Variants in ZMPSTE24 observed in about 807,000 individuals in gnomAD.
ZMPSTE24 encodes the protein CAAX prenyl protease 1 homolog.
A neutral mutation model predicts 56.7 loss-of-function variants in ZMPSTE24; 48 were observed. That is an observed-to-expected ratio of 0.85 (90% CI 0.67 to 1.08). The LOEUF (loss-of-function observed/expected upper bound fraction) is 1.08, where lower values mean the gene tolerates loss of function less well. Among genes scored for constraint, ZMPSTE24 ranks in the 50% least tolerant of loss-of-function variants. The pLI, the probability that ZMPSTE24 is intolerant of heterozygous loss-of-function variation, is 0.00. For missense variants in ZMPSTE24, 503 were observed against 548.7 expected (o/e 0.92, Z 0.83); for synonymous variants, 172 against 195.2 (o/e 0.88, Z 0.99).
intron 7 of ZMPSTE24, 150 bp from the exon 8 acceptor site, chr1:40,285,775 G>C: frequency 1.6e-6 from 1 of 624,678 alleles, no homozygotes; most frequent in Non-Finnish European, 2.8e-6. Context: ...TGGAGCAGTG[G>C]TTCAGGGAAT....
At position 40,289,258 on chromosome 1, in the gene ZMPSTE24, G is replaced by A. The variant is rs78498432; in HGVS notation, c.1060-1596G>A. Among the ~76,000 whole-genome samples, 66 of 152,310 alleles carry A rather than the reference G, an allele frequency of 4.3e-4. 1 individual carries two copies. Among genetic ancestry groups the A allele is most frequent in the African/African-American group, 1.5e-3 (63 of 41,562 alleles). On this transcript the variant is annotated intron_variant, in intron 8 of 9. Transcript: ENST00000372759. The stretch of plus-strand genomic sequence containing the variant: ...GTCCTTGATGATGAAGTGCTTCTGC[G>A]CATAGCAGTTTCCTGGCTAGGCAGA...
chr1:40,258,960 C>A (rs1643468139), intron 1 of ZMPSTE24, among the ~76,000 whole-genome samples: 1 of 152,028 alleles, frequency 6.6e-6, no homozygotes. Context: ...GAGTTCGAGA[C>A]CAGCCTGACC....
chr1:40,281,409 T>C lies in ZMPSTE24; in HGVS notation c.836T>C (p.Leu279Ser). The C allele has an allele frequency of 1.2e-6, 2 of 1,614,154 alleles. No homozygotes were observed. The highest frequency in any genetic ancestry group is 1.7e-6 in the Non-Finnish European group (2 of 1,180,004). The change falls in exon 7 of 10, where the codon TTG becomes TCG. Residue 279 changes from leucine to serine, a missense_variant. By Grantham distance (145) the Leu-to-Ser change is moderately radical (BLOSUM62 -2). Coordinates refer to ENST00000372759, the MANE Select transcript of ZMPSTE24 (RefSeq NM_005857.5). ...YGFFKNKRIV[L>S]FDTLLEEYSV... ...TTCTTCAAGAACAAGCGAATAGTTT[T>C]GTTTGACACTCTACTAGAAGAGTAC...
chr1:40,284,803 T>A (rs1332181363), intron 7 of ZMPSTE24, among the ~76,000 whole-genome samples: 1 of 152,188 alleles, frequency 6.6e-6, no homozygotes, highest in Non-Finnish European at 1.5e-5. Flanking sequence ...TTCAGTCTAC[T>A]TTTTATATTT....
At chr1:40,289,937 C>G (rs980286292) in intron 8 of ZMPSTE24, among the ~76,000 whole-genome samples, 13 of 152,120 alleles carry the variant, frequency 8.5e-5, no homozygotes, top group African/African-American at 2.9e-4. Flanking sequence ...CCATTCTAGC[C>G]CTTCACCCTT....
chr1:40,272,841 G>C (rs143625216), intron 6 of ZMPSTE24, among the ~76,000 whole-genome samples: 2 of 152,158 alleles, frequency 1.3e-5, no homozygotes, highest in Non-Finnish European at 2.9e-5. Flanking sequence ...CACCCTTCTG[G>C]GTTTCAGTTG....
At chr1:40,258,843 G>A (rs1294657382) in intron 1 of ZMPSTE24, among the ~76,000 whole-genome samples, 1 of 151,908 alleles carries the variant, frequency 6.6e-6, no homozygotes, top group Non-Finnish European at 1.5e-5. Flanking sequence ...GTTTCTGCTT[G>A]AAAAAACAAA....
intron 8 of ZMPSTE24, among the ~76,000 whole-genome samples, chr1:40,286,762 T>C (rs1481769692): frequency 2.3e-5 from 3 of 131,376 alleles, no homozygotes; most frequent in Non-Finnish European, 4.8e-5. Context: ...AGTTTCACTC[T>C]TGTTGCCCAA....
chr1:40,273,537 A>AAAATATAT (rs1224234676), intron 6 of ZMPSTE24, among the ~76,000 whole-genome samples: 1 of 12,386 alleles, frequency 8.1e-5, no homozygotes, highest in African/African-American at 1.8e-4. Context: ...AAAAAAAAAA[A>AAAATATAT]ATATATATAT....
intron 6 of ZMPSTE24, among the ~76,000 whole-genome samples, chr1:40,275,060 T>C (rs892326930): frequency 1.3e-5 from 2 of 151,946 alleles, no homozygotes; most frequent in African/African-American, 2.4e-5. Flanking sequence ...TACTAAACAT[T>C]GTATTAGAAT....
intron 3 of ZMPSTE24, 91 bp from the exon 4 acceptor site, chr1:40,268,328 G>T: frequency 1.2e-6 from 1 of 848,864 alleles, no homozygotes; most frequent in Non-Finnish European, 2.0e-6. Flanking sequence ...CATATTGCTT[G>T]GGATGTAGTA....
chr1:40,283,810 C>A (rs115721283), intron 7 of ZMPSTE24, among the ~76,000 whole-genome samples: 1 of 152,106 alleles, frequency 6.6e-6, no homozygotes. Context: ...TCCTCTTACT[C>A]GAGTGCTGGA....
At chr1:40,288,504 G>A (rs1233341286) in intron 8 of ZMPSTE24, among the ~76,000 whole-genome samples, 1 of 152,228 alleles carries the variant, frequency 6.6e-6, no homozygotes, top group African/African-American at 2.4e-5. Context: ...GACAGATTGG[G>A]CATATGGCAT....
intron 2 of ZMPSTE24, among the ~76,000 whole-genome samples, chr1:40,264,154 C>T (rs903845865): frequency 1.3e-5 from 2 of 151,838 alleles, no homozygotes; most frequent in African/African-American, 2.4e-5. Context: ...ACCAACATGG[C>T]GAAACCCTGT....
At chr1:40,290,622 G>A (rs1334913814) in intron 8 of ZMPSTE24, 14 of 399,786 alleles carry the variant, frequency 3.5e-5, no homozygotes, top group East Asian at 1.1e-4. Flanking sequence ...CACCACGTCC[G>A]GCTAATTTTT....
In ZMPSTE24 at chr1:40,260,922, C is replaced by CT; in HGVS notation, c.208dup (p.Tyr70LeufsTer5). 1 of 1,614,158 alleles carries CT rather than the reference C, an allele frequency of 6.2e-7. No homozygotes were observed. The highest frequency in any genetic ancestry group is 8.5e-7 in the Non-Finnish European group (1 of 1,180,002). On this transcript the variant is annotated frameshift_variant, in exon 2 of 10. Coordinates refer to ENST00000372759, the MANE Select transcript of ZMPSTE24 (RefSeq NM_005857.5). LOFTEE classifies it high-confidence loss of function. ...CTGAAACATTTGAGAAATCTCGACT[C>CT]TATCAACTGGATAAAAGCACTTTCA...
In ZMPSTE24 at chr1:40,286,430, AT is replaced by A. The variant is rs1450640672; in HGVS notation, c.1059+409del. ...TGCTTTTTAAAATTAAATTAAAAAA[AT>A]TTTTTTTGAGACAGAGTCTCGCTCT... is the stretch of plus-strand genomic sequence containing the variant. On this transcript the variant is annotated intron_variant, in intron 8 of 9. Transcript: ENST00000372759. Among the ~76,000 whole-genome samples, 7 of 152,018 alleles carry A rather than the reference AT, an allele frequency of 4.6e-5. No homozygotes were observed. In the East Asian group the frequency reaches 5.8e-4, roughly 13 times the overall value.
chr1:40,267,313 T>TA (rs934296963), intron 2 of ZMPSTE24, among the ~76,000 whole-genome samples: 7 of 151,140 alleles, frequency 4.6e-5, no homozygotes, highest in Admixed American at 1.3e-4. Context: ...GTCTATTTTT[T>TA]AAAAAAATAT....
At chr1:40,258,844 A>AC (rs1423091139) in intron 1 of ZMPSTE24, among the ~76,000 whole-genome samples, 8 of 140,978 alleles carry the variant, frequency 5.7e-5, no homozygotes, top group African/African-American at 2.6e-4. Context: ...TTTCTGCTTG[A>AC]AAAAACAAAC....
Sources: gnomAD v4.1 joint callset for allele counts (sites outside exome capture counted in the v4.1 genomes callset) on GRCh38, gnomAD v4.1.1 for gene constraint, MANE v1.5 for transcripts, NCBI Gene and HGNC (gene_info 2026-07-23, HGNC 2026-07-21) for gene names.